The following WNT7A variants were observed in gnomAD, a reference collection of about 807,000 sequenced individuals.
WNT7A encodes Wnt family member 7A.
In WNT7A, 16 loss-of-function variants were observed where a neutral mutation model predicts 28.2. The observed-to-expected ratio is 0.57, with a 90% confidence interval of 0.38 to 0.86. The LOEUF is 0.86. Ranked by LOEUF, WNT7A falls within the 40% of genes least tolerant of loss-of-function variation. The probability of loss-of-function intolerance (pLI) is 0.00; values close to 1 mark genes in which losing one functional copy is unlikely to be tolerated. For missense variants in WNT7A, 411 were observed against 489.7 expected, an observed-to-expected ratio of 0.84 and a Z score of 1.52; for synonymous variants, 190 against 195.9, an observed-to-expected ratio of 0.97 and a Z score of 0.25.
chr3:13,834,564 A>G (rs887805716), intron 3 of WNT7A, among the ~76,000 whole-genome samples: 28 of 150,862 alleles, frequency 1.9e-4, no homozygotes, highest in African/African-American at 6.4e-4. Flanking sequence ...GCCCTCATTC[A>G]CTCCATGCTG....
At chr3:13,869,090 G>GAA (rs1559307460) in intron 2 of WNT7A, among the ~76,000 whole-genome samples, 3 of 146,242 alleles carry the variant, frequency 2.1e-5, no homozygotes, top group African/African-American at 7.7e-5. Flanking sequence ...GAAAGAGGGA[G>GAA]AGAGAAAGAG....
intron 3 of WNT7A, among the ~76,000 whole-genome samples, chr3:13,853,640 G>A (rs993445212): frequency 5.9e-5 from 9 of 152,332 alleles, no homozygotes; most frequent in African/African-American, 1.9e-4. Context: ...CCCAGTGTCT[G>A]TGTTGCCCAC....
chr3:13,879,162 GC>G (rs748996842), intron 1 of WNT7A, among the ~76,000 whole-genome samples: 3 of 152,226 alleles, frequency 2.0e-5, no homozygotes, highest in Admixed American at 6.5e-5. Flanking sequence ...GAGTCTAAGG[GC>G]CCCTGGAAAT....
intron 3 of WNT7A, among the ~76,000 whole-genome samples, chr3:13,823,978 G>C (rs192864019): frequency 1.3e-5 from 2 of 152,176 alleles, no homozygotes; most frequent in Admixed American, 1.3e-4. Context: ...GTCTTCAGGC[G>C]TAAGGAGTAA....
intron 3 of WNT7A, among the ~76,000 whole-genome samples, chr3:13,820,185 C>T (rs1203977101): frequency 6.6e-6 from 1 of 152,146 alleles, no homozygotes; most frequent in African/African-American, 2.4e-5. Context: ...TGGGGATTTC[C>T]CAAGTGAGCA....
Position 13,856,890 on chromosome 3 carries a change from GAAAAA to G in WNT7A, c.299-2092_299-2088del, listed in dbSNP as rs1694742188. 2.0e-4 allele frequency among the ~76,000 whole-genome samples: 14 copies of G among 69,172 alleles called. 1 individual carries two copies. Among genetic ancestry groups the G allele is most frequent in the African/African-American group, 1.0e-3 (13 of 12,736 alleles). 45.4% of individuals were successfully genotyped at this position (69,172 alleles called of 152,430 possible). A position where few individuals can be genotyped will look rare whatever the true frequency, so the allele number is the denominator to read the frequency against. ...GGAAGAGGAAGAAGAGGAAGAAGAA[GAAAAA>G]GAAGAAGAAGAAGAAGAAGAAGAAG... is the stretch of plus-strand genomic sequence containing the variant. On this transcript the variant is annotated intron_variant, in intron 2 of 3. Transcript: ENST00000285018.
chr3:13,844,243 G>A (rs956993074), intron 3 of WNT7A, among the ~76,000 whole-genome samples: 4 of 152,174 alleles, frequency 2.6e-5, no homozygotes, highest in African/African-American at 9.7e-5. Flanking sequence ...GAACTGCTCT[G>A]TGCCTTCAGT....
intron 3 of WNT7A, among the ~76,000 whole-genome samples, chr3:13,833,810 C>T (rs1694321451): frequency 6.6e-6 from 1 of 152,244 alleles, no homozygotes; most frequent in Admixed American, 6.5e-5. Context: ...TGCTGGAGCA[C>T]CCTGAAATGG....
Position 13,819,152 on chromosome 3 carries a change from T to A in WNT7A, c.842A>T (p.Asp281Val), listed in dbSNP as rs769286942. 1 of 1,614,142 alleles carries A rather than the reference T, an allele frequency of 6.2e-7. No individual in the cohort carries two copies. Among genetic ancestry groups the A allele is most frequent in the Non-Finnish European group, 8.5e-7 (1 of 1,180,024 alleles). Residue 281 changes from aspartate to valine, a missense_variant, in exon 4 of 4, where the codon GAC (aspartate) becomes GTC (valine). Coordinates refer to ENST00000285018, the MANE Select transcript of WNT7A (RefSeq NM_004625.4). Reference sequence around the variant, plus strand: ...GGTGCCCACACTGCCGGTCACCGGGTCCTCCTCGCAGTAGTTGGGCGACTT... The same window carrying A: ...GGTGCCCACACTGCCGGTCACCGGGACCTCCTCGCAGTAGTTGGGCGACTT... Reference protein sequence around the residue: ...IEKSPNYCEEDPVTGSVGTQG... With the variant: ...IEKSPNYCEEVPVTGSVGTQG...
intron 3 of WNT7A, among the ~76,000 whole-genome samples, chr3:13,829,673 CAG>C (rs1328371065): frequency 6.6e-6 from 1 of 152,056 alleles, no homozygotes; most frequent in Non-Finnish European, 1.5e-5. Context: ...GAAGGCAACA[CAG>C]GGGGATCTCG....
chr3:13,853,215 C>T (rs1694667427), intron 3 of WNT7A, among the ~76,000 whole-genome samples: 1 of 152,180 alleles, frequency 6.6e-6, no homozygotes, highest in African/African-American at 2.4e-5. Flanking sequence ...CAGCCCAGGC[C>T]TCTGTCCTCG....
intron 3 of WNT7A, among the ~76,000 whole-genome samples, chr3:13,850,611 C>T (rs926681236): frequency 1.5e-4 from 23 of 152,186 alleles, no homozygotes; most frequent in African/African-American, 5.3e-4. Flanking sequence ...CCAGCTGGGC[C>T]CCCATCCCCA....
chr3:13,831,453 T>C (rs1694278780), intron 3 of WNT7A, among the ~76,000 whole-genome samples: 1 of 152,316 alleles, frequency 6.6e-6, no homozygotes, highest in South Asian at 2.1e-4. Flanking sequence ...AGCTGTAATG[T>C]GGCCGAACAG....
In WNT7A at chr3:13,818,785, T is replaced by C. The variant is rs1575057066; in HGVS notation, c.*159A>G. ...CAGAATAGTTGAGGGCTCTGAGAGA[T>C]TTTTTTTCCCCCACGGATGCCTGCA... On this transcript the variant is annotated 3_prime_UTR_variant, in exon 4 of 4. Transcript: ENST00000285018. The C allele has an allele frequency of 6.3e-6, 7 of 1,114,606 alleles. No individual in the cohort carries two copies. In the East Asian group the frequency reaches 1.1e-4, roughly 17 times the overall value. The allele number at this position is 1,114,606 out of a possible 1,614,324, so 69.0% of individuals were successfully genotyped here. A position where few individuals can be genotyped will look rare whatever the true frequency, so the allele number is the denominator to read the frequency against.
At chr3:13,859,546 C>T (rs1694796492) in intron 2 of WNT7A, among the ~76,000 whole-genome samples, 1 of 152,146 alleles carries the variant, frequency 6.6e-6, no homozygotes, top group South Asian at 2.1e-4. Context: ...TTATCCATGG[C>T]CCTTATTGCT....
intron 3 of WNT7A, among the ~76,000 whole-genome samples, chr3:13,848,459 C>G (rs1694575495): frequency 6.6e-6 from 1 of 152,176 alleles, no homozygotes; most frequent in African/African-American, 2.4e-5. Context: ...ATCCAGATGG[C>G]AAATAAGCAT....
intron 3 of WNT7A, among the ~76,000 whole-genome samples, chr3:13,854,224 G>T (rs1694687829): frequency 6.6e-6 from 1 of 152,048 alleles, no homozygotes; most frequent in Non-Finnish European, 1.5e-5. Flanking sequence ...CAGGAAGGGA[G>T]CAAGGGAGAA....
At chr3:13,873,240 A>G (rs745687264) in intron 2 of WNT7A, among the ~76,000 whole-genome samples, 3 of 152,072 alleles carry the variant, frequency 2.0e-5, no homozygotes, top group Non-Finnish European at 4.4e-5. Flanking sequence ...CAGACGGTGC[A>G]AGGCAAAAGT....
At position 13,816,799 on chromosome 3, in the gene WNT7A, A is replaced by T. The variant is rs1694011649; in HGVS notation, c.*2145T>A. The T allele has an allele frequency of 6.6e-6, 1 of 151,674 alleles. No homozygotes were observed. The highest frequency in any genetic ancestry group is 1.5e-5 in the Non-Finnish European group (1 of 67,930). The allele number at this position is 151,674 out of a possible 1,614,324, so 9.4% of individuals were successfully genotyped here. On this transcript the variant is annotated 3_prime_UTR_variant, in exon 4 of 4. Transcript: ENST00000285018. ...CATCCATCCATCTACCCATCCATCC[A>T]TTTATCCATTCACCCACCCACCTAC...
Sources: gnomAD v4.1 joint callset for allele counts (sites outside exome capture counted in the v4.1 genomes callset) on GRCh38, gnomAD v4.1.1 for gene constraint, MANE v1.5 for transcripts, NCBI Gene and HGNC (gene_info 2026-07-23, HGNC 2026-07-21) for gene names.